Variants in SGCZ observed in about 807,000 individuals in gnomAD.
The protein encoded by SGCZ is zeta-sarcoglycan.
In SGCZ, 40 loss-of-function variants were observed where a neutral mutation model predicts 41.3. The observed-to-expected ratio is 0.97, with a 90% CI of 0.75 to 1.26. The LOEUF is 1.26. Ranked by LOEUF, SGCZ falls within the 50% of genes most tolerant of loss-of-function variation. SGCZ has a pLI of 0.00. For synonymous variants in SGCZ, 206 were observed against 137.5 expected (o/e 1.50, Z -3.49); for missense variants, 552 against 369.8 (o/e 1.49, Z -4.04).
intron 1 of SGCZ, among the ~76,000 whole-genome samples, chr8:15,008,291 C>A (rs1029296309): frequency 1.3e-5 from 2 of 151,826 alleles, no homozygotes; most frequent in Admixed American, 1.3e-4. Context: ...CAAATGAGTC[C>A]ATTAAGTTTC....
chr8:15,109,565 T>C (rs1055814876), intron 1 of SGCZ, among the ~76,000 whole-genome samples: 1 of 152,172 alleles, frequency 6.6e-6, no homozygotes, highest in African/African-American at 2.4e-5. Context: ...GATGTCTGTA[T>C]CTTAAGCAGT....
intron 2 of SGCZ, among the ~76,000 whole-genome samples, chr8:14,368,769 G>A (rs1037171135): frequency 2.2e-4 from 34 of 151,972 alleles, no homozygotes; most frequent in African/African-American, 8.0e-4. Flanking sequence ...GCTACAAAAT[G>A]CAGCACCATG....
At chr8:14,102,231 CCTAATATTACTTTCCTAAGT>C in intron 7 of SGCZ, 125 bp downstream of exon 7, 1 of 914,066 alleles carries the variant, frequency 1.1e-6, no homozygotes, top group Non-Finnish European at 1.5e-6. Flanking sequence ...GATATGGTAA[CCTAATATTACTTTCCTAAGT>C]TACAACTCCA....
chr8:14,220,766 G>A (rs1245747020), intron 4 of SGCZ, among the ~76,000 whole-genome samples: 2 of 141,780 alleles, frequency 1.4e-5, no homozygotes, highest in African/African-American at 5.3e-5. Context: ...CAGCCTGGGC[G>A]ACAGAGGGAT....
intron 1 of SGCZ, among the ~76,000 whole-genome samples, chr8:14,934,136 A>G (rs1420342722): frequency 6.6e-6 from 1 of 151,966 alleles, no homozygotes; most frequent in Non-Finnish European, 1.5e-5. Flanking sequence ...TTCTAGGGCA[A>G]TGTATTTACA....
chr8:14,976,491 G>A (rs1801483767), intron 1 of SGCZ, among the ~76,000 whole-genome samples: 1 of 151,950 alleles, frequency 6.6e-6, no homozygotes, highest in Non-Finnish European at 1.5e-5. Context: ...CTTGTTAGAT[G>A]TATTTTACAA....
chr8:14,953,325 C>A (rs1029738300), intron 1 of SGCZ, among the ~76,000 whole-genome samples: 5 of 152,100 alleles, frequency 3.3e-5, no homozygotes, highest in Non-Finnish European at 7.4e-5. Flanking sequence ...ATTCAAGCAA[C>A]CAGATGTCTT....
intron 2 of SGCZ, among the ~76,000 whole-genome samples, chr8:14,358,639 T>A (rs1463586415): frequency 6.6e-6 from 1 of 151,942 alleles, no homozygotes; most frequent in African/African-American, 2.4e-5. Context: ...TGAGATGGAG[T>A]CTTGCTCTGC....
intron 1 of SGCZ, among the ~76,000 whole-genome samples, chr8:15,151,573 T>C (rs1799180704): frequency 6.6e-6 from 1 of 152,216 alleles, no homozygotes; most frequent in South Asian, 2.1e-4. Flanking sequence ...CTTTATGATA[T>C]AGAAATCTGA....
intron 2 of SGCZ, among the ~76,000 whole-genome samples, chr8:14,551,473 T>TAATATATATAA (rs1491107563): frequency 1.7e-4 from 2 of 11,534 alleles, no homozygotes; most frequent in African/African-American, 6.1e-4. Flanking sequence ...ATTATATATA[T>TAATATATATAA]TATATATTAT....
chr8:14,147,627 A>G (rs1486724049), intron 5 of SGCZ, among the ~76,000 whole-genome samples: 1 of 152,092 alleles, frequency 6.6e-6, no homozygotes, highest in East Asian at 1.9e-4. Flanking sequence ...AAACTTTAAC[A>G]CCCCACTTTC....
intron 1 of SGCZ, among the ~76,000 whole-genome samples, chr8:14,657,084 A>C (rs751658938): frequency 2.1e-4 from 32 of 152,012 alleles, no homozygotes; most frequent in Admixed American, 2.6e-4. Flanking sequence ...TATTTTCAAT[A>C]ACTTTTTAAA....
At chr8:14,441,809 G>T (rs1304687406) in intron 2 of SGCZ, among the ~76,000 whole-genome samples, 6 of 151,946 alleles carry the variant, frequency 3.9e-5, no homozygotes, top group Non-Finnish European at 7.4e-5. Flanking sequence ...TTTTTTGTCA[G>T]TTTCTATAGC....
intron 1 of SGCZ, among the ~76,000 whole-genome samples, chr8:14,730,704 C>A (rs754538554): frequency 2.0e-5 from 3 of 151,786 alleles, no homozygotes; most frequent in African/African-American, 7.3e-5. Flanking sequence ...CTGGGGCCAA[C>A]ATGTTCACCA....
intron 4 of SGCZ, among the ~76,000 whole-genome samples, chr8:14,235,434 AT>A (rs879842293): frequency 1.2e-4 from 19 of 152,104 alleles, no homozygotes; most frequent in Non-Finnish European, 2.5e-4. Flanking sequence ...TCAGCTTAAC[AT>A]TTTTTTCTTT....
chr8:14,487,597 G>T (rs188690569), intron 2 of SGCZ, among the ~76,000 whole-genome samples: 1,344 of 112,642 alleles, frequency 0.012, 11 homozygotes, highest in Non-Finnish European at 0.019. Context: ...TTTCTTAGGG[G>T]TAAAATATTA....
chr8:14,247,492 G>A (rs1799143695), intron 3 of SGCZ, among the ~76,000 whole-genome samples: 1 of 152,152 alleles, frequency 6.6e-6, no homozygotes, highest in African/African-American at 2.4e-5. Flanking sequence ...TTAGCCATGG[G>A]TGGGCTTAGG....
At chr8:14,956,766 A>G (rs1394251524) in intron 1 of SGCZ, among the ~76,000 whole-genome samples, 1 of 152,242 alleles carries the variant, frequency 6.6e-6, no homozygotes, top group Non-Finnish European at 1.5e-5. Context: ...TTTAAAATCT[A>G]TGCTCAGACT....
At chr8:14,493,330 T>G in intron 2 of SGCZ, among the ~76,000 whole-genome samples, 1 of 149,700 alleles carries the variant, frequency 6.7e-6, no homozygotes, top group South Asian at 2.1e-4. Flanking sequence ...GGTCTTCTTA[T>G]TCACATACTT....
Sources: allele counts gnomAD v4.1 joint callset (sites outside exome capture counted in the v4.1 genomes callset), GRCh38; gene constraint gnomAD v4.1.1; transcripts MANE v1.5; gene names NCBI Gene and HGNC (gene_info 2026-07-23, HGNC 2026-07-21).